The following ROBO2 variants were observed in gnomAD, a reference collection of about 807,000 sequenced individuals.
The protein encoded by ROBO2 is roundabout guidance receptor 2.
In ROBO2, 53 loss-of-function variants were observed where a neutral mutation model predicts 160.8. That is an observed-to-expected ratio of 0.33 (90% CI 0.26 to 0.41). ROBO2 has a LOEUF of 0.41. ROBO2 is among the 10% of genes least tolerant of loss of function. The pLI is 1.00. For synonymous variants in ROBO2, 664 were observed against 611.7 expected (o/e 1.09, Z -1.26); for missense variants, 1,577 against 1,722.4 (o/e 0.92, Z 1.49).
At chr3:76,865,435 G>A (rs1328549630) in intron 2 of ROBO2, among the ~76,000 whole-genome samples, 1 of 152,054 alleles carries the variant, frequency 6.6e-6, no homozygotes, top group African/African-American at 2.4e-5. Flanking sequence ...TCTGCACACT[G>A]GTAACAAGCA....
At chr3:76,871,038 C>CT (rs2071991574) in intron 2 of ROBO2, among the ~76,000 whole-genome samples, 1 of 152,170 alleles carries the variant, frequency 6.6e-6, no homozygotes, top group Admixed American at 6.5e-5. Context: ...TAGCATGAAA[C>CT]TTACTCTGTA....
chr3:76,537,265 C>A (rs1043261314), intron 2 of ROBO2, among the ~76,000 whole-genome samples: 1 of 152,144 alleles, frequency 6.6e-6, no homozygotes, highest in East Asian at 1.9e-4. Flanking sequence ...CATAAGGCAC[C>A]TCAGACCATT....
At chr3:76,623,100 T>C (rs2089346511) in intron 2 of ROBO2, among the ~76,000 whole-genome samples, 1 of 152,132 alleles carries the variant, frequency 6.6e-6, no homozygotes, top group Admixed American at 6.6e-5. Context: ...TAGTTATGGC[T>C]TTTTCTACTG....
chr3:77,547,006 T>A (rs951353556), intron 7 of ROBO2, among the ~76,000 whole-genome samples: 3 of 152,006 alleles, frequency 2.0e-5, no homozygotes, highest in African/African-American at 7.2e-5. Context: ...TCATCCATAG[T>A]GGGGTTAGAC....
At chr3:76,736,126 A>G (rs941954598) in intron 2 of ROBO2, among the ~76,000 whole-genome samples, 1 of 151,400 alleles carries the variant, frequency 6.6e-6, no homozygotes, top group African/African-American at 2.4e-5. Context: ...TACTAAAAAT[A>G]CAAAAAATTA....
At chr3:77,310,276 C>A (rs140614851) in intron 2 of ROBO2, among the ~76,000 whole-genome samples, 232 of 152,076 alleles carry the variant, frequency 1.5e-3, no homozygotes, top group African/African-American at 5.4e-3. Context: ...CTGATGGTAT[C>A]TAAAAAAAAG....
At chr3:77,183,738 C>A (rs1353570251) in intron 2 of ROBO2, among the ~76,000 whole-genome samples, 1 of 152,044 alleles carries the variant, frequency 6.6e-6, no homozygotes, top group African/African-American at 2.4e-5. Flanking sequence ...AGTTCATTAG[C>A]ATTGATGTTT....
At chr3:77,499,858 AGGCTCGTCTG>A (rs2087319808) in intron 5 of ROBO2, among the ~76,000 whole-genome samples, 1 of 152,048 alleles carries the variant, frequency 6.6e-6, no homozygotes, top group Admixed American at 6.6e-5. Context: ...CATGTTGGCC[AGGCTCGTCTG>A]GAACTTCTGA....
At chr3:77,091,634 CTT>C (rs887494147) in intron 1 of ROBO2, among the ~76,000 whole-genome samples, 1 of 152,038 alleles carries the variant, frequency 6.6e-6, no homozygotes, top group African/African-American at 2.4e-5. Flanking sequence ...AATGCAGCTT[CTT>C]GGAACCTTTC....
chr3:77,552,835 G>A (rs2153654840), intron 8 of ROBO2, among the ~76,000 whole-genome samples: 1 of 152,068 alleles, frequency 6.6e-6, no homozygotes, highest in African/African-American at 2.4e-5. Flanking sequence ...GATGCCTTAA[G>A]CTTCTACCCA....
At chr3:76,495,381 C>T (rs1038415093) in intron 2 of ROBO2, among the ~76,000 whole-genome samples, 6 of 151,686 alleles carry the variant, frequency 4.0e-5, no homozygotes, top group African/African-American at 1.5e-4. Context: ...TAAAACACGC[C>T]CTGTCATGTC....
At chr3:77,502,016 A>G (rs1474337286) in intron 5 of ROBO2, among the ~76,000 whole-genome samples, 1 of 152,192 alleles carries the variant, frequency 6.6e-6, no homozygotes, top group Non-Finnish European at 1.5e-5. Flanking sequence ...AAATAATCTA[A>G]GCATTTTACA....
chr3:76,166,930 C>G (rs1259305360), intron 2 of ROBO2, among the ~76,000 whole-genome samples: 1 of 151,944 alleles, frequency 6.6e-6, no homozygotes, highest in Non-Finnish European at 1.5e-5. Context: ...ACAAATTACA[C>G]TTGAGTTTTT....
intron 7 of ROBO2, 71 bp from the exon 9 acceptor site, chr3:77,550,747 T>C: frequency 6.8e-7 from 1 of 1,466,376 alleles, no homozygotes; most frequent in South Asian, 1.1e-5. Context: ...TCCTTAATTG[T>C]AGTAGCTTTT....
intron 2 of ROBO2, among the ~76,000 whole-genome samples, chr3:76,685,564 C>A (rs72888377): frequency 0.033 from 5,043 of 152,156 alleles, 266 homozygotes; most frequent in African/African-American, 0.11. Flanking sequence ...ATACTTTCCC[C>A]TTCTGCAGTT....
chr3:77,349,490 A>AAATCGACGTGTAATGAGTCACTTACCTT (rs1418895911), intron 2 of ROBO2, among the ~76,000 whole-genome samples: 6 of 152,180 alleles, frequency 3.9e-5, no homozygotes, highest in African/African-American at 1.4e-4. Context: ...TCACACTATG[A>AAATCGACGTGTAATGAGTCACTTACCTT]AATCGACGTG....
At chr3:77,103,091 G>A (rs979113875) in intron 2 of ROBO2, among the ~76,000 whole-genome samples, 6 of 152,150 alleles carry the variant, frequency 3.9e-5, no homozygotes, top group Non-Finnish European at 8.8e-5. Context: ...TGTTTATGGA[G>A]CAGAAGGAGC....
At chr3:76,472,092 T>C (rs371903753) in intron 2 of ROBO2, among the ~76,000 whole-genome samples, 3,365 of 123,906 alleles carry the variant, frequency 0.027, 125 homozygotes, top group African/African-American at 0.087. Context: ...TGTGTGTGTG[T>C]GTGTGTGTGC....
In ROBO2 at chr3:77,459,559, A is replaced by C. The variant is rs183571713; in HGVS notation, c.389-17855A>C. 5.3e-5 allele frequency among the ~76,000 whole-genome samples: 8 copies of C among 152,338 alleles called. No homozygotes were observed. The South Asian group carries it at 1.4e-3, about 28-fold the overall frequency. ...TTAAAAGCAGATAGATAACGAACAC[A>C]AACAAGAATACTTTTACACAGTAAT... On this transcript the variant is annotated intron_variant, in intron 2 of 25. Coordinates refer to ENST00000461745, the Ensembl canonical transcript of ROBO2.
Sources: gnomAD v4.1 joint callset for allele counts (sites outside exome capture counted in the v4.1 genomes callset) on GRCh38, gnomAD v4.1.1 for gene constraint, MANE v1.5 for transcripts, NCBI Gene and HGNC (gene_info 2026-07-23, HGNC 2026-07-21) for gene names.